Variants in MGMT observed in about 807,000 individuals in gnomAD.
The protein encoded by MGMT is O-6-methylguanine-DNA methyltransferase, also known as methylated-DNA--protein-cysteine methyltransferase.
A neutral mutation model predicts 15.9 loss-of-function variants in MGMT; 14 were observed. The observed-to-expected ratio is 0.88, with a 90% CI of 0.58 to 1.37. The LOEUF is 1.37. Among genes scored for constraint, MGMT ranks in the 40% most tolerant of loss-of-function variants. The pLI is 0.00. For synonymous variants in MGMT, 130 were observed against 118.2 expected (o/e 1.10, Z -0.65); for missense variants, 282 against 268.1 (o/e 1.05, Z -0.36).
intron 2 of MGMT, among the ~76,000 whole-genome samples, chr10:129,644,450 C>T (rs902706582): frequency 1.3e-5 from 2 of 152,186 alleles, no homozygotes; most frequent in Admixed American, 1.3e-4. Flanking sequence ...CAAGAGGACA[C>T]AGCAAGAGGC....
At chr10:129,635,210 A>G (rs61859923) in intron 2 of MGMT, among the ~76,000 whole-genome samples, 1 of 152,074 alleles carries the variant, frequency 6.6e-6, no homozygotes, top group African/African-American at 2.4e-5. Flanking sequence ...GAGCTTCCTG[A>G]CATGGCGGTG....
At chr10:129,647,533 G>A (rs1166802734) in intron 2 of MGMT, among the ~76,000 whole-genome samples, 1 of 152,170 alleles carries the variant, frequency 6.6e-6, no homozygotes, top group Non-Finnish European at 1.5e-5. Context: ...TAAGGGGCCA[G>A]ATACGTTTGG....
intron 2 of MGMT, among the ~76,000 whole-genome samples, chr10:129,628,849 G>T (rs777044011): frequency 7.2e-5 from 11 of 152,144 alleles, no homozygotes; most frequent in Non-Finnish European, 1.0e-4. Flanking sequence ...GAAGATTCTG[G>T]TTTTTCACGA....
chr10:129,651,881 A>G (rs1185515771), intron 2 of MGMT, among the ~76,000 whole-genome samples: 1 of 152,230 alleles, frequency 6.6e-6, no homozygotes, highest in African/African-American at 2.4e-5. Flanking sequence ...CTGATCCCAA[A>G]TTGAACTGAA....
chr10:129,749,999 T>C (rs1848735323), intron 3 of MGMT, among the ~76,000 whole-genome samples: 1 of 152,190 alleles, frequency 6.6e-6, no homozygotes, highest in Non-Finnish European at 1.5e-5. Context: ...AAGAGTCTTT[T>C]TATAATATAT....
chr10:129,709,123 C>G (rs1206129741), intron 3 of MGMT, among the ~76,000 whole-genome samples: 1 of 152,184 alleles, frequency 6.6e-6, no homozygotes, highest in Non-Finnish European at 1.5e-5. Context: ...AGAACTGTCT[C>G]CAGAAGGGTT....
Position 129,734,933 on chromosome 10 carries a change from CT to C in MGMT, c.275-24264del, listed in dbSNP as rs1359248227. Reference sequence around the variant, plus strand: ...AGCCCACTTGATCATGGTGGATCAGCTTTTTGATGTGCTGCTGGATTCGGTT... The same window carrying C: ...AGCCCACTTGATCATGGTGGATCAGCTTTTGATGTGCTGCTGGATTCGGTT... On this transcript the variant is annotated intron_variant, in intron 3 of 4. Coordinates refer to ENST00000651593, the MANE Select transcript of MGMT (RefSeq NM_002412.5). 1.7e-4 allele frequency among the ~76,000 whole-genome samples: 26 copies of C among 152,242 alleles called. No homozygotes were observed. The East Asian group carries it at 4.6e-3, about 27-fold the overall frequency.
intron 2 of MGMT, among the ~76,000 whole-genome samples, chr10:129,640,149 G>T (rs771884555): frequency 4.3e-4 from 64 of 150,414 alleles, no homozygotes; most frequent in Non-Finnish European, 7.2e-4. Context: ...CCAGCCTGGA[G>T]TTCAGAGGCA....
chr10:129,543,804 A>G (rs904383889), intron 2 of MGMT, among the ~76,000 whole-genome samples: 7 of 152,234 alleles, frequency 4.6e-5, no homozygotes, highest in African/African-American at 1.2e-4. Flanking sequence ...AAACTTGTTC[A>G]TTTCATTTAA....
At chr10:129,748,474 C>T (rs765548426) in intron 3 of MGMT, among the ~76,000 whole-genome samples, 1 of 152,078 alleles carries the variant, frequency 6.6e-6, no homozygotes, top group Non-Finnish European at 1.5e-5. Flanking sequence ...ATTCTCAAGG[C>T]TCATCTTGTG....
chr10:129,535,602 C>T (rs556500439), intron 1 of MGMT, among the ~76,000 whole-genome samples: 1 of 152,334 alleles, frequency 6.6e-6, no homozygotes. Context: ...ATCTTCCTGT[C>T]TCAGCCTTCC....
intron 3 of MGMT, among the ~76,000 whole-genome samples, chr10:129,758,902 G>A (rs1258933647): frequency 3.3e-5 from 5 of 152,206 alleles, no homozygotes; most frequent in African/African-American, 1.2e-4. Context: ...ACGCCCAGTC[G>A]CTAGAAGAGT....
At chr10:129,725,353 G>A (rs999037421) in intron 3 of MGMT, among the ~76,000 whole-genome samples, 3 of 152,216 alleles carry the variant, frequency 2.0e-5, no homozygotes, top group Non-Finnish European at 4.4e-5. Context: ...GTGGGTCAGC[G>A]CTGCCCTGTC....
chr10:129,691,415 C>T (rs1847968274), intron 2 of MGMT, among the ~76,000 whole-genome samples: 1 of 152,232 alleles, frequency 6.6e-6, no homozygotes, highest in Admixed American at 6.5e-5. Context: ...CAGACGTCAG[C>T]CCCAGGCAGT....
intron 3 of MGMT, among the ~76,000 whole-genome samples, chr10:129,752,580 T>C (rs1848761219): frequency 6.6e-6 from 1 of 152,032 alleles, no homozygotes; most frequent in Admixed American, 6.5e-5. Flanking sequence ...TTTTAGTGTT[T>C]TGTTTTATTT....
intron 2 of MGMT, among the ~76,000 whole-genome samples, chr10:129,600,366 T>C (rs1036955817): frequency 2.6e-5 from 4 of 152,206 alleles, no homozygotes; most frequent in African/African-American, 9.6e-5. Context: ...ACCAAGAGAT[T>C]CTCTAGTAGG....
At chr10:129,472,117 A>G (rs989109332) in intron 1 of MGMT, among the ~76,000 whole-genome samples, 12 of 152,088 alleles carry the variant, frequency 7.9e-5, no homozygotes, top group African/African-American at 2.7e-4. Flanking sequence ...CTCTGGGTCA[A>G]GGCATTTTCC....
intron 2 of MGMT, among the ~76,000 whole-genome samples, chr10:129,688,007 T>A (rs1394658187): frequency 6.6e-6 from 1 of 152,178 alleles, no homozygotes; most frequent in Non-Finnish European, 1.5e-5. Flanking sequence ...TTCATCCATG[T>A]CCCTATAAAA....
intron 2 of MGMT, among the ~76,000 whole-genome samples, chr10:129,603,597 A>T (rs1390018141): frequency 6.6e-6 from 1 of 152,228 alleles, no homozygotes; most frequent in Non-Finnish European, 1.5e-5. Flanking sequence ...TTTGCAAGCC[A>T]GATAATACTG....
Sources: allele counts gnomAD v4.1 joint callset (sites outside exome capture counted in the v4.1 genomes callset), GRCh38; gene constraint gnomAD v4.1.1; transcripts MANE v1.5; gene names NCBI Gene and HGNC (gene_info 2026-07-23, HGNC 2026-07-21).